Variants in RBM33 observed in about 807,000 individuals in gnomAD.
The protein encoded by RBM33 is RNA-binding protein 33.
Under a neutral mutation model 132.6 loss-of-function variants are expected in RBM33, and 28 were observed. That is an observed-to-expected ratio of 0.21 (90% CI 0.16 to 0.29). The LOEUF (loss-of-function observed/expected upper bound fraction) is 0.29, where lower values mean the gene tolerates loss of function less well. Among genes scored for constraint, RBM33 ranks in the 10% least tolerant of loss-of-function variants. The pLI, the probability that RBM33 is intolerant of heterozygous loss-of-function variation, is 1.00. For missense variants in RBM33, 1,291 were observed against 1,518.5 expected (o/e 0.85, Z 2.49); for synonymous variants, 634 against 593.0 (o/e 1.07, Z -1.01).
At chr7:155,687,824 C>T (rs1389549239) in intron 5 of RBM33, among the ~76,000 whole-genome samples, 5 of 152,120 alleles carry the variant, frequency 3.3e-5, no homozygotes, top group Admixed American at 6.5e-5. Context: ...TGTTCTGTTC[C>T]ATTTGTCGGT....
chr7:155,698,054 T>G (rs1799847993), intron 5 of RBM33, among the ~76,000 whole-genome samples: 1 of 152,196 alleles, frequency 6.6e-6, no homozygotes, highest in South Asian at 2.1e-4. Flanking sequence ...GTCAATGGCA[T>G]GCTAGGTAAT....
At chr7:155,756,296 A>G (rs1213119785) in intron 14 of RBM33, among the ~76,000 whole-genome samples, 2 of 152,192 alleles carry the variant, frequency 1.3e-5, no homozygotes, top group Non-Finnish European at 2.9e-5. Context: ...CATAACTATA[A>G]CCTTATAGAA....
At chr7:155,739,694 C>G (rs1251324401) in intron 11 of RBM33, 21 bp from the exon 12 acceptor site, 2 of 1,530,964 alleles carry the variant, frequency 1.3e-6, no homozygotes, top group South Asian at 1.2e-5. Context: ...ACTGTTGTTT[C>G]TCTTTCTTTG....
chr7:155,738,723 G>T (rs1034281806), intron 11 of RBM33: 1 of 283,034 alleles, frequency 3.5e-6, no homozygotes, highest in Non-Finnish European at 6.6e-6. Context: ...TTTCATGAGA[G>T]GTTTACCAGT....
chr7:155,669,393 T>A (rs182230373), intron 2 of RBM33, among the ~76,000 whole-genome samples: 6 of 152,196 alleles, frequency 3.9e-5, no homozygotes, highest in Admixed American at 3.9e-4. Flanking sequence ...TGAGACAGAG[T>A]CTGCTCTGGA....
chr7:155,673,768 G>GCGCGCACA lies in RBM33; in HGVS notation c.171+854_171+855insGCGCACAC, dbSNP rs1554469952. Among the ~76,000 whole-genome samples the GCGCGCACA allele has an allele frequency of 9.3e-4, 124 of 132,978 alleles. 7 individuals carry two copies. Among genetic ancestry groups the GCGCGCACA allele is most frequent in the African/African-American group, 3.5e-3 (109 of 30,890 alleles). 87.2% of individuals were successfully genotyped at this position (132,978 alleles called of 152,430 possible). The stretch of plus-strand genomic sequence containing the variant: ...CACGTGTATATACGCGCGCATGCGC[G>GCGCGCACA]CACACACACACACACACACACACAC... On this transcript the variant is annotated intron_variant, in intron 3 of 17. Coordinates refer to ENST00000401878, the MANE Select transcript of RBM33 (RefSeq NM_053043.3).
intron 6 of RBM33, 27 bp from the exon 7 acceptor site, chr7:155,706,829 GTAAC>G: frequency 1.9e-6 from 3 of 1,553,154 alleles, no homozygotes; most frequent in South Asian, 1.2e-5. Flanking sequence ...CTCTCGGAAA[GTAAC>G]TAACACATAC....
chr7:155,650,272 C>G (rs1798319792), intron 1 of RBM33, among the ~76,000 whole-genome samples: 1 of 152,216 alleles, frequency 6.6e-6, no homozygotes, highest in Non-Finnish European at 1.5e-5. Flanking sequence ...AGGACAGGTT[C>G]TTATTGACCC....
intron 16 of RBM33, among the ~76,000 whole-genome samples, chr7:155,770,349 A>G (rs1802378586): frequency 6.6e-6 from 1 of 152,186 alleles, no homozygotes; most frequent in Non-Finnish European, 1.5e-5. Flanking sequence ...GGTTGGTCAC[A>G]CAATGACCTG....
chr7:155,716,316 G>GTTTTTTTTTTTGTTTTTTT (rs1800461274), intron 8 of RBM33, among the ~76,000 whole-genome samples: 1 of 102,384 alleles, frequency 9.8e-6, no homozygotes, highest in Non-Finnish European at 1.9e-5. Context: ...CTTTTCTGCT[G>GTTTTTTTTTTTGTTTTTTT]TTTTTTTTTT....
chr7:155,693,714 A>G (rs1358155858), intron 5 of RBM33, among the ~76,000 whole-genome samples: 1 of 151,820 alleles, frequency 6.6e-6, no homozygotes, highest in South Asian at 2.1e-4. Context: ...TTCCACTAGC[A>G]ATAAATATTT....
rs1801245296 is a variant in RBM33, at chr7:155,739,540, T to C, written c.1738-175T>C. ...AAATATAAAATTTAAGGTAATAGCT[T>C]CTGGCTTATTACTGCATTTTAGATA... On this transcript the variant is annotated intron_variant, in intron 11 of 17. Transcript: ENST00000401878. The C allele has an allele frequency of 4.5e-6, 3 of 661,810 alleles. No homozygotes were observed. In the South Asian group the frequency reaches 6.2e-5, roughly 14 times the overall value. The allele number at this position is 661,810 out of a possible 1,614,324, so 41.0% of individuals were successfully genotyped here.
chr7:155,744,897 T>C (rs1801461692), intron 13 of RBM33, 64 bp from the exon 14 acceptor site: 2 of 1,433,472 alleles, frequency 1.4e-6, no homozygotes, highest in Non-Finnish European at 1.9e-6. Flanking sequence ...TTGTAATTTG[T>C]TGAAATAGAC....
At chr7:155,690,031 C>CT (rs1799590389) in intron 5 of RBM33, among the ~76,000 whole-genome samples, 1 of 152,106 alleles carries the variant, frequency 6.6e-6, no homozygotes, top group South Asian at 2.1e-4. Flanking sequence ...TCCTTGTTAA[C>CT]TTTCTGTCTC....
chr7:155,658,638 A>C (rs924504614), intron 1 of RBM33, among the ~76,000 whole-genome samples: 3 of 152,042 alleles, frequency 2.0e-5, no homozygotes, highest in African/African-American at 7.2e-5. Context: ...TGACCTCATG[A>C]TCCACCCGCC....
chr7:155,752,878 T>G (rs1207715984), intron 14 of RBM33, among the ~76,000 whole-genome samples: 1 of 152,200 alleles, frequency 6.6e-6, no homozygotes, highest in Non-Finnish European at 1.5e-5. Flanking sequence ...CTTTCTTTGT[T>G]CCTCTTCTGC....
intron 14 of RBM33, among the ~76,000 whole-genome samples, chr7:155,755,026 T>C (rs1004925246): frequency 1.3e-5 from 2 of 152,142 alleles, no homozygotes; most frequent in African/African-American, 4.8e-5. Context: ...TCTTCTTTAA[T>C]CCAGTAGTCT....
Position 155,711,435 on chromosome 7 carries a change from C to T in RBM33, c.1181C>T (p.Thr394Met), listed in dbSNP as rs759100738. Residue 394 changes from threonine to methionine, a missense_variant, in exon 8 of 18, where the codon ACG (threonine) becomes ATG (methionine). Physicochemically the swap from Thr to Met is moderately conservative, Grantham distance 81. Transcript: ENST00000401878. ...CACATCAACCCGCACTTCAAAGGGA[C>T]GGTGGTCACGCCTGTTCAAGGTCTG... is the stretch of plus-strand genomic sequence containing the variant. ...NIHINPHFKG[T>M]VVTPVQVPLL... is the part of the protein sequence containing the mutation. The T allele has an allele frequency of 4.7e-6, 7 of 1,492,980 alleles. No homozygotes were observed. The highest frequency in any genetic ancestry group is 4.8e-5 in the Admixed American group (2 of 41,906). The allele number at this position is 1,492,980 out of a possible 1,614,324, so 92.5% of individuals were successfully genotyped here.
intron 3 of RBM33, among the ~76,000 whole-genome samples, chr7:155,673,843 A>G (rs1438235156): frequency 6.6e-6 from 1 of 151,252 alleles, no homozygotes; most frequent in Non-Finnish European, 1.5e-5. Flanking sequence ...ACATAAAAGT[A>G]GAATGTATAG....
Sources: allele counts gnomAD v4.1 joint callset (sites outside exome capture counted in the v4.1 genomes callset), GRCh38; gene constraint gnomAD v4.1.1; transcripts MANE v1.5; gene names NCBI Gene and HGNC (gene_info 2026-07-23, HGNC 2026-07-21).